Variants in PCDHGA6 observed in about 807,000 individuals in gnomAD.
The protein encoded by PCDHGA6 is protocadherin gamma-A6.
Under a neutral mutation model 60.6 loss-of-function variants are expected in PCDHGA6, and 41 were observed. That is an observed-to-expected ratio of 0.68 (90% confidence interval 0.53 to 0.88). PCDHGA6 has a LOEUF of 0.88. PCDHGA6 is among the 40% of genes least tolerant of loss of function. The pLI is 0.00. For synonymous variants in PCDHGA6, 594 were observed against 524.4 expected (o/e 1.13, Z -1.81); for missense variants, 1,312 against 1,203.0 (o/e 1.09, Z -1.34).
At chr5:141,427,812 G>A (rs1380721111) in intron 1 of PCDHGA6, 1 of 1,524,286 alleles carries the variant, frequency 6.6e-7, no homozygotes, top group African/African-American at 1.4e-5. Context: ...CGCACAGAGC[G>A]GGGTGGTGGT....
chr5:141,436,080 T>C (rs755968267), intron 1 of PCDHGA6, among the ~76,000 whole-genome samples: 1 of 152,204 alleles, frequency 6.6e-6, no homozygotes, highest in Admixed American at 6.5e-5. Context: ...CAGTGTTCTA[T>C]AGGTAATATT....
At chr5:141,409,531 T>C (rs2095279232) in intron 1 of PCDHGA6, 1 of 1,613,870 alleles carries the variant, frequency 6.2e-7, no homozygotes, top group Non-Finnish European at 8.5e-7. Context: ...TGTATGTCGC[T>C]GACATCAACG....
In PCDHGA6 at chr5:141,476,177, C is replaced by T. The variant is rs1221752964; in HGVS notation, c.2425-18630C>T. On this transcript the variant is annotated intron_variant, in intron 1 of 3. Transcript: ENST00000517434. The surrounding 1 kb of genome is among the most constrained non-coding windows in gnomAD (Gnocchi z 7.6). ...CACCGGGAGGGTAGTGGGAGTTTTG[C>T]TTCTGCTTGGTGCCTTGAACAAGGC... 6.2e-7 allele frequency: 1 copy of T among 1,613,436 alleles called. No individual in the cohort carries two copies. Among genetic ancestry groups the T allele is most frequent in the Non-Finnish European group, 8.5e-7 (1 of 1,179,944 alleles).
At chr5:141,399,641 C>G in intron 1 of PCDHGA6, 1 of 1,613,852 alleles carries the variant, frequency 6.2e-7, no homozygotes, top group Non-Finnish European at 8.5e-7. Context: ...TCCATGAGCG[C>G]GCAAAGTGGG....
intron 1 of PCDHGA6, chr5:141,427,003 T>C: frequency 2.2e-6 from 1 of 456,764 alleles, no homozygotes; most frequent in South Asian, 1.5e-5. Flanking sequence ...GCCCCAGTTT[T>C]TAGCCAGGAT....
rs769909773 is a variant in PCDHGA6 at position 141,476,732 on chromosome 5, C to T, written c.2425-18075C>T. The T allele has an allele frequency of 8.7e-6, 14 of 1,614,096 alleles. No homozygotes were observed. Among genetic ancestry groups the T allele is most frequent in the Non-Finnish European group, 1.1e-5 (13 of 1,180,030 alleles). ...GTTGGAGCGCGCCCTGGACCGAGAA[C>T]GGGAGCCTAGTCTCCAGTTAGTGCT... is the stretch of plus-strand genomic sequence containing the variant. On this transcript the variant is annotated intron_variant, in intron 1 of 3. Coordinates refer to ENST00000517434, the MANE Select transcript of PCDHGA6 (RefSeq NM_018919.3). The surrounding 1 kb of genome is among the most constrained non-coding windows in gnomAD (Gnocchi z 7.6).
chr5:141,381,925 G>A (rs1777765051), intron 1 of PCDHGA6, among the ~76,000 whole-genome samples: 1 of 145,664 alleles, frequency 6.9e-6, no homozygotes, highest in Non-Finnish European at 1.5e-5. Flanking sequence ...CACCTCCCGG[G>A]TTCAAGCGAT....
At chr5:141,408,889 A>T in intron 1 of PCDHGA6, 3 of 1,613,232 alleles carry the variant, frequency 1.9e-6, no homozygotes, top group Non-Finnish European at 2.5e-6. Flanking sequence ...CTCACATAGA[A>T]ATTTCTGTCA....
chr5:141,478,307 G>T, intron 1 of PCDHGA6: 3 of 1,614,056 alleles, frequency 1.9e-6, no homozygotes, highest in Non-Finnish European at 2.5e-6. Context: ...CCGAGCCCCG[G>T]TGAGCTCACT....
At position 141,422,706 on chromosome 5, in the gene PCDHGA6, G is replaced by A. The variant is rs758922274; in HGVS notation, c.2424+46199G>A. On this transcript the variant is annotated intron_variant, in intron 1 of 3. Transcript: ENST00000517434. ...ATGCCCTGGTCACTTACTCTCTGAC[G>A]GATGACACTGTCCAGGGGGTGCCTC... The A allele has an allele frequency of 8.1e-6, 13 of 1,602,906 alleles. No homozygotes were observed. In the South Asian group the frequency reaches 1.5e-4, roughly 18 times the overall value.
Position 141,399,777 on chromosome 5 carries a change from C to T in PCDHGA6, c.2424+23270C>T, listed in dbSNP as rs751610227. On this transcript the variant is annotated intron_variant, in intron 1 of 3. Transcript: ENST00000517434. ...TGAGCCTGCGCGTGTTGGTGGGCGA[C>T]CGAAACGACAACGCACCGCGGGTGC... The T allele has an allele frequency of 3.7e-6, 6 of 1,613,304 alleles. No homozygotes were observed. The Admixed American group carries it at 8.3e-5, about 22-fold the overall frequency.
At chr5:141,441,246 C>G (rs2098234855) in intron 1 of PCDHGA6, 1 of 152,136 alleles carries the variant, frequency 6.6e-6, no homozygotes, top group Non-Finnish European at 1.5e-5. Flanking sequence ...ATCACAAGAT[C>G]TTTAAATCAC....
chr5:141,405,461 C>T, intron 1 of PCDHGA6: 1 of 1,220,756 alleles, frequency 8.2e-7, no homozygotes, highest in Non-Finnish European at 1.1e-6. Context: ...ACTCTGTTAC[C>T]CAGGCTGGAA....
chr5:141,388,920 A>T, intron 1 of PCDHGA6: 3 of 1,613,996 alleles, frequency 1.9e-6, no homozygotes, highest in East Asian at 2.2e-5. Flanking sequence ...CCCAGAAGTG[A>T]TATTCCAGTC....
At chr5:141,419,723 C>A in intron 1 of PCDHGA6, 6 of 1,613,292 alleles carry the variant, frequency 3.7e-6, no homozygotes, top group Non-Finnish European at 5.1e-6. Flanking sequence ...CCTGGGGCTG[C>A]GAACAGGCGA....
chr5:141,394,325 T>G (rs563526295), intron 1 of PCDHGA6: 3 of 1,614,012 alleles, frequency 1.9e-6, no homozygotes, highest in South Asian at 2.2e-5. Flanking sequence ...TGTCCTCGTA[T>G]ATCTCCATCA....
intron 1 of PCDHGA6, chr5:141,393,857 C>G (rs753457502): frequency 6.8e-6 from 11 of 1,613,978 alleles, no homozygotes; most frequent in Non-Finnish European, 9.3e-6. Flanking sequence ...CAGAAGTGAT[C>G]ATTACGTCTT....
intron 1 of PCDHGA6, chr5:141,391,427 A>G (rs1374909206): frequency 1.3e-5 from 2 of 151,516 alleles, no homozygotes; most frequent in Non-Finnish European, 2.9e-5. Flanking sequence ...TTCCTTCTGC[A>G]TCAGCCTCCT....
At chr5:141,422,871 G>C in intron 1 of PCDHGA6, 3 of 1,614,216 alleles carry the variant, frequency 1.9e-6, no homozygotes, top group South Asian at 1.1e-5. Flanking sequence ...GCAACGTGTC[G>C]CTGAGCCTGT....
Sources: allele counts gnomAD v4.1 joint callset (sites outside exome capture counted in the v4.1 genomes callset), GRCh38; gene constraint gnomAD v4.1.1; non-coding constraint Gnocchi (gnomAD v3.1); transcripts MANE v1.5; gene names NCBI Gene and HGNC (gene_info 2026-07-23, HGNC 2026-07-21).